CA6: variants seen among roughly 807,000 people sequenced by gnomAD.
CA6 encodes carbonic anhydrase 6.
Under a neutral mutation model 35.9 loss-of-function variants are expected in CA6, and 28 were observed. The ratio of observed to expected loss-of-function variants is 0.78; its 90% CI spans 0.58 to 1.07. The LOEUF (loss-of-function observed/expected upper bound fraction) is 1.07. CA6 is among the 50% of genes least tolerant of loss of function. The pLI is 0.00. For missense variants in CA6, 377 were observed against 382.0 expected (o/e 0.99, Z 0.11); for synonymous variants, 148 against 152.6 (o/e 0.97, Z 0.22).
chr1:8,973,784 C>CTT lies in CA6; in HGVS notation c.845-835_845-834dup, dbSNP rs59270335. Among the ~76,000 whole-genome samples, 7 of 52,012 alleles carry CTT rather than the reference C, an allele frequency of 1.3e-4. 1 individual carries two copies. Among genetic ancestry groups the CTT allele is most frequent in the Admixed American group, 1.1e-3 (5 of 4,460 alleles). The allele number at this position is 52,012 out of a possible 152,430, so 34.1% of individuals were successfully genotyped here. ...TCTTTCTTTCTTTCTTTCTTTCTTTCTTTTCCCTCCCTCCCTCTCTCTCTC... is the reference window on the plus strand; with the variant it reads ...TCTTTCTTTCTTTCTTTCTTTCTTTCTTTTTTCCCTCCCTCCCTCTCTCTCTC... On this transcript the variant is annotated intron_variant, in intron 7 of 7. Transcript: ENST00000377443.
chr1:8,949,931 C>T (rs1412588200), intron 2 of CA6, among the ~76,000 whole-genome samples: 1 of 152,068 alleles, frequency 6.6e-6, no homozygotes, highest in Non-Finnish European at 1.5e-5. Context: ...ACAGAAAAAG[C>T]AGGGCCGTGG....
At chr1:8,951,406 C>G (rs1639529287) in intron 2 of CA6, 1 of 754,680 alleles carries the variant, frequency 1.3e-6, no homozygotes, top group Non-Finnish European at 2.4e-6. Flanking sequence ...TCCAAAGTTA[C>G]TCTCTGATGC....
intron 2 of CA6, among the ~76,000 whole-genome samples, chr1:8,951,220 GAA>G (rs749605213): frequency 4.9e-5 from 3 of 61,322 alleles, no homozygotes; most frequent in African/African-American, 1.3e-4. Context: ...CCATCTCAAA[GAA>G]AAAAAAAAAA....
At chr1:8,973,747 T>C (rs912430141) in intron 7 of CA6, among the ~76,000 whole-genome samples, 2 of 20,154 alleles carry the variant, frequency 9.9e-5, no homozygotes, top group Non-Finnish European at 1.5e-4. Context: ...TTTCTTTCTT[T>C]CTTTCTTTCT....
rs41280042 is a variant in CA6, at chr1:8,967,714, C to T, written c.627C>T (p.Leu209=). 146 of 1,613,892 alleles carry T rather than the reference C, an allele frequency of 9.0e-5. No homozygotes were observed. Among genetic ancestry groups the T allele is most frequent in the Non-Finnish European group, 1.2e-4 (146 of 1,179,944 alleles). The change falls in exon 6 of 8, where the codon CTC becomes CTT. Residue 209 remains leucine, a synonymous_variant. Transcript: ENST00000377443. ...TTCAGGACATGCTGCCCAGGAACCT[C>T]CAGCACTACTACACCTACCATGGCT... The part of the protein sequence containing the change: ...LDVQDMLPRN[L]QHYYTYHGSL...
At chr1:8,950,341 T>C (rs1557620281) in intron 2 of CA6, among the ~76,000 whole-genome samples, 1 of 152,020 alleles carries the variant, frequency 6.6e-6, no homozygotes, top group Admixed American at 6.6e-5. Context: ...TTTTCCAAGT[T>C]GGCTCGACTC....
intron 5 of CA6, among the ~76,000 whole-genome samples, chr1:8,965,341 C>A (rs1024918821): frequency 1.3e-5 from 2 of 152,132 alleles, no homozygotes; most frequent in African/African-American, 4.8e-5. Context: ...ACCATCACCC[C>A]GCTCCATTGC....
At chr1:8,964,237 T>TTC (rs1207556084) in intron 5 of CA6, among the ~76,000 whole-genome samples, 55 of 151,758 alleles carry the variant, frequency 3.6e-4, no homozygotes, top group African/African-American at 1.2e-3. Context: ...CATCGTTGAT[T>TTC]TCTCTCTCTC....
At chr1:8,959,733 A>G (rs756569833) in intron 4 of CA6, among the ~76,000 whole-genome samples, 2 of 151,822 alleles carry the variant, frequency 1.3e-5, no homozygotes, top group Non-Finnish European at 2.9e-5. Context: ...GGAGTTCAAG[A>G]CCAGGCTGAC....
chr1:8,948,847 G>GTCCTCCC (rs1639439412), intron 1 of CA6, among the ~76,000 whole-genome samples: 1 of 151,866 alleles, frequency 6.6e-6, no homozygotes, highest in South Asian at 2.1e-4. Context: ...GTGCATGCCT[G>GTCCTCCC]TAATCCCAGC....
chr1:8,964,134 C>T (rs1042362649), intron 5 of CA6, among the ~76,000 whole-genome samples: 2 of 152,230 alleles, frequency 1.3e-5, no homozygotes, highest in Admixed American at 6.5e-5. Context: ...AATCCCTGCT[C>T]TTGTCAACAC....
intron 7 of CA6, 52 bp from the exon 8 acceptor site, chr1:8,974,570 T>C: frequency 2.1e-6 from 3 of 1,459,288 alleles, no homozygotes; most frequent in African/African-American, 1.4e-5. Flanking sequence ...TCTCTGTTTT[T>C]GTGAGGACTG....
At chr1:8,962,446 C>A in intron 4 of CA6, 141 bp from the exon 5 acceptor site, 1 of 692,484 alleles carries the variant, frequency 1.4e-6, no homozygotes, top group Non-Finnish European at 2.6e-6. Flanking sequence ...CTGTCTCTGC[C>A]AAAACACAAG....
intron 1 of CA6, among the ~76,000 whole-genome samples, chr1:8,948,255 C>T (rs1639421960): frequency 6.6e-6 from 1 of 152,130 alleles, no homozygotes; most frequent in Non-Finnish European, 1.5e-5. Context: ...AGCTCCACAG[C>T]TGTATGGGAG....
rs769040688 is a variant in CA6, at chr1:8,949,408, A to G, written c.225A>G (p.Ala75=). ...GLNMTGYETQ[A]GEFPMVNNGH... ...ATATGACAGGCTATGAGACCCAGGC[A>G]GGGGAGTTCCCCATGGTCAACAATG... is the stretch of plus-strand genomic sequence containing the variant. Residue 75 remains alanine (A), a synonymous_variant, in exon 2 of 8, where the codon GCA becomes GCG. Transcript: ENST00000377443. 15 of 1,613,256 alleles carry G rather than the reference A, an allele frequency of 9.3e-6. No individual in the cohort carries two copies. Among genetic ancestry groups the G allele is most frequent in the Non-Finnish European group, 1.3e-5 (15 of 1,179,660 alleles).
chr1:8,956,754 G>A (rs987745962), intron 2 of CA6, among the ~76,000 whole-genome samples: 2 of 152,248 alleles, frequency 1.3e-5, no homozygotes. Context: ...GCCAGAGATA[G>A]AGAGTAGAAT....
At chr1:8,946,091 A>G (rs892754682) in intron 1 of CA6, 126 bp downstream of exon 1, 11 of 645,632 alleles carry the variant, frequency 1.7e-5, no homozygotes, top group Non-Finnish European at 2.7e-5. Context: ...AGGCTTGAGT[A>G]CAGTAGTGTG....
intron 4 of CA6, among the ~76,000 whole-genome samples, chr1:8,959,949 A>AAAAAAAAAAAAAG: frequency 1.4e-5 from 2 of 144,362 alleles, no homozygotes; most frequent in South Asian, 2.2e-4. Flanking sequence ...AAAAAAAAAA[A>AAAAAAAAAAAAAG]AGCTGGGCGC....
chr1:8,951,620 G>C (rs1314338975), intron 2 of CA6: 1 of 765,106 alleles, frequency 1.3e-6, no homozygotes, highest in African/African-American at 1.7e-5. Flanking sequence ...AAGGCATATG[G>C]AAGAGAAGAG....
Sources: gnomAD v4.1 joint callset for allele counts (sites outside exome capture counted in the v4.1 genomes callset) on GRCh38, gnomAD v4.1.1 for gene constraint, MANE v1.5 for transcripts, NCBI Gene and HGNC (gene_info 2026-07-23, HGNC 2026-07-21) for gene names.